The following PCNX2 variants were observed in gnomAD, a reference collection of about 807,000 sequenced individuals.
PCNX2 encodes pecanex 2.
PCNX2 carries 168 observed loss-of-function variants against 223.8 expected under a neutral mutation model. The ratio of observed to expected loss-of-function variants is 0.75; its 90% confidence interval spans 0.66 to 0.85. The LOEUF (loss-of-function observed/expected upper bound fraction) is 0.85. Ranked by LOEUF, PCNX2 falls within the 40% of genes least tolerant of loss-of-function variation. The pLI is 0.00. For missense variants in PCNX2, 2,507 were observed against 2,675.5 expected (o/e 0.94, Z 1.39); for synonymous variants, 1,006 against 1,052.6 (o/e 0.96, Z 0.86).
the PCNX2 span, among the ~76,000 whole-genome samples, chr1:233,325,622 C>A: frequency 1.3e-5 from 2 of 151,930 alleles, no homozygotes; most frequent in Non-Finnish European, 2.9e-5. Flanking sequence ...CTTGCATGAG[C>A]CGAGAAGTGG....
At chr1:233,274,643 C>G (rs1660817370) in intron 1 of PCNX2, among the ~76,000 whole-genome samples, 1 of 152,062 alleles carries the variant, frequency 6.6e-6, no homozygotes, top group African/African-American at 2.4e-5. Context: ...GGGTAGCAGA[C>G]CAAGAAAACT....
chr1:233,255,071 T>C (rs74147338), intron 5 of PCNX2, among the ~76,000 whole-genome samples: 3,148 of 152,236 alleles, frequency 0.021, 91 homozygotes, highest in African/African-American at 0.07. Flanking sequence ...AATCAACCCA[T>C]TATCCAGAGT....
chr1:233,065,858 G>A (rs1452329753), intron 23 of PCNX2, among the ~76,000 whole-genome samples: 1 of 152,146 alleles, frequency 6.6e-6, no homozygotes, highest in Non-Finnish European at 1.5e-5. Context: ...CAAATTCCTA[G>A]GCAGATAGGG....
intron 12 of PCNX2, among the ~76,000 whole-genome samples, chr1:233,216,119 T>C (rs1466178457): frequency 6.6e-6 from 1 of 152,088 alleles, no homozygotes; most frequent in Non-Finnish European, 1.5e-5. Context: ...CTACAGGAGA[T>C]TGCCACAACA....
At chr1:233,108,883 G>T (rs191225196) in intron 21 of PCNX2, among the ~76,000 whole-genome samples, 2 of 152,076 alleles carry the variant, frequency 1.3e-5, no homozygotes, top group Admixed American at 1.3e-4. Context: ...AATGTCCTCC[G>T]TGTCCCACCC....
At chr1:233,138,441 C>G (rs1181418174) in intron 20 of PCNX2, among the ~76,000 whole-genome samples, 1 of 152,166 alleles carries the variant, frequency 6.6e-6, no homozygotes, top group African/African-American at 2.4e-5. Context: ...CAGAGTGGCA[C>G]TGGTACCTTC....
At chr1:233,051,436 A>G (rs968626799) in intron 25 of PCNX2, among the ~76,000 whole-genome samples, 8 of 152,218 alleles carry the variant, frequency 5.3e-5, no homozygotes, top group African/African-American at 1.9e-4. Context: ...AATGACATGG[A>G]ATCAACCTAG....
At chr1:233,198,554 T>G (rs577265825) in intron 15 of PCNX2, among the ~76,000 whole-genome samples, 1 of 152,244 alleles carries the variant, frequency 6.6e-6, no homozygotes, top group East Asian at 1.9e-4. Flanking sequence ...TATCCTCTTC[T>G]GTCCTCTTGT....
intron 31 of PCNX2, 22 bp downstream of exon 31, chr1:232,999,083 G>A (rs770097300): frequency 1.9e-5 from 30 of 1,582,724 alleles, no homozygotes; most frequent in Non-Finnish European, 2.4e-5. Context: ...TCTGGACAGA[G>A]GCATTTGTTG....
chr1:233,139,606 A>T lies in PCNX2; in HGVS notation c.3659+108T>A. ...ACCATGGCTTATTTTTACATGGCCAATCACAGTCGGTAAAGGTTGGCTTCT... is the reference window on the plus strand; with the variant it reads ...ACCATGGCTTATTTTTACATGGCCATTCACAGTCGGTAAAGGTTGGCTTCT... On this transcript the variant is annotated intron_variant, in intron 20 of 33. Transcript: ENST00000258229. This position sits in a 1 kb window ranked among gnomAD's most constrained non-coding sequence, Gnocchi z 4.4. The T allele has an allele frequency of 7.6e-7, 1 of 1,317,930 alleles. No homozygotes were observed. Among genetic ancestry groups the T allele is most frequent in the Non-Finnish European group, 1.0e-6 (1 of 970,236 alleles). The allele number at this position is 1,317,930 out of a possible 1,614,324, so 81.6% of individuals were successfully genotyped here. A position where few individuals can be genotyped will look rare whatever the true frequency, so the allele number is the denominator to read the frequency against.
At chr1:233,009,375 C>A (rs1001227735) in intron 28 of PCNX2, among the ~76,000 whole-genome samples, 4 of 152,070 alleles carry the variant, frequency 2.6e-5, no homozygotes, top group Non-Finnish European at 5.9e-5. Flanking sequence ...CATATAATCA[C>A]TGGAAATAAA....
chr1:233,091,732 CAAAA>C (rs11335249), intron 22 of PCNX2, among the ~76,000 whole-genome samples: 1 of 109,110 alleles, frequency 9.2e-6, no homozygotes. Flanking sequence ...GACCCTCCCT[CAAAA>C]AAAAAAAAAA....
chr1:233,159,028 T>C (rs145771367), intron 19 of PCNX2, among the ~76,000 whole-genome samples: 79 of 152,300 alleles, frequency 5.2e-4, no homozygotes, highest in African/African-American at 1.9e-3. Flanking sequence ...ATAATTTGCA[T>C]TTCAGTAGTA....
intron 25 of PCNX2, among the ~76,000 whole-genome samples, chr1:233,029,512 G>A (rs149613081): frequency 0.015 from 2,349 of 152,088 alleles, 37 homozygotes; most frequent in Non-Finnish European, 0.025. Context: ...GTGTAGAGTC[G>A]ATTTTTCATC....
chr1:233,007,999 C>T (rs74690954), intron 28 of PCNX2, among the ~76,000 whole-genome samples: 6,598 of 152,190 alleles, frequency 0.043, 462 homozygotes, highest in African/African-American at 0.15. Context: ...TTCTTAAAGG[C>T]CTTCTCAGCT....
intron 26 of PCNX2, among the ~76,000 whole-genome samples, chr1:233,017,661 G>C (rs1326552964): frequency 6.6e-6 from 1 of 152,018 alleles, no homozygotes; most frequent in Non-Finnish European, 1.5e-5. Flanking sequence ...AGGAAAGTAA[G>C]AGACATGAAA....
At chr1:233,022,605 G>A (rs985255829) in intron 26 of PCNX2, among the ~76,000 whole-genome samples, 4 of 123,866 alleles carry the variant, frequency 3.2e-5, no homozygotes, top group South Asian at 2.3e-4. Context: ...AGTGAGAGAT[G>A]GGGGGGGAGT....
intron 25 of PCNX2, among the ~76,000 whole-genome samples, chr1:233,026,294 A>G (rs1315349727): frequency 2.0e-5 from 3 of 152,200 alleles, no homozygotes; most frequent in African/African-American, 7.2e-5. Context: ...AGGTGGGAAC[A>G]TACTTATTAT....
At chr1:233,030,970 C>T (rs1426130632) in intron 25 of PCNX2, among the ~76,000 whole-genome samples, 4 of 152,184 alleles carry the variant, frequency 2.6e-5, no homozygotes, top group East Asian at 1.9e-4. Flanking sequence ...GCCCAGGACT[C>T]GGATTCTATC....
Sources: gnomAD v4.1 joint callset for allele counts (sites outside exome capture counted in the v4.1 genomes callset) on GRCh38, gnomAD v4.1.1 for gene constraint, Gnocchi (gnomAD v3.1) non-coding constraint, MANE v1.5 for transcripts, NCBI Gene and HGNC (gene_info 2026-07-23, HGNC 2026-07-21) for gene names.